CSMD1: variants seen among roughly 807,000 people sequenced by gnomAD.
CSMD1 encodes the protein CUB and Sushi multiple domains 1.
In CSMD1, 213 loss-of-function variants were observed where a neutral mutation model predicts 417.5. The observed-to-expected ratio is 0.51, with a 90% confidence interval of 0.46 to 0.57. The LOEUF is 0.57. Among genes scored for constraint, CSMD1 ranks in the 20% least tolerant of loss-of-function variants. The pLI is 0.00. For missense variants in CSMD1, 6,923 were observed against 4,529.7 expected (o/e 1.53, Z -15.17); for synonymous variants, 2,862 against 1,736.8 (o/e 1.65, Z -16.11).
At chr8:4,788,684 G>A (rs1033344229) in intron 1 of CSMD1, 11 of 553,666 alleles carry the variant, frequency 2.0e-5, no homozygotes, top group Non-Finnish European at 3.2e-5. Context: ...ATAAATTAGA[G>A]AACACAAATA....
At chr8:3,353,623 A>C (rs1808557160) in intron 21 of CSMD1, among the ~76,000 whole-genome samples, 1 of 152,134 alleles carries the variant, frequency 6.6e-6, no homozygotes. Flanking sequence ...AGAAAATCAC[A>C]AGAGTTAAGT....
At position 4,182,030 on chromosome 8, in the gene CSMD1, G is replaced by A. The variant is rs190147215; in HGVS notation, c.416-149931C>T. Among the ~76,000 whole-genome samples, 993 of 118,434 alleles carry A rather than the reference G, an allele frequency of 8.4e-3. 11 individuals are homozygous for A. The highest frequency in any genetic ancestry group is 0.021 in the African/African-American group (746 of 36,052). The allele number at this position is 118,434 out of a possible 152,430, so 77.7% of individuals were successfully genotyped here. On this transcript the variant is annotated intron_variant, in intron 3 of 69. Transcript: ENST00000635120. Reference sequence around the variant, plus strand: ...CACAGAAACTCATACACACCCGTGTGTGTGTGTGTGTGTCGGTGTGTGTGT... The same window carrying A: ...CACAGAAACTCATACACACCCGTGTATGTGTGTGTGTGTCGGTGTGTGTGT...
At chr8:3,840,720 C>T (rs1803080202) in intron 5 of CSMD1, among the ~76,000 whole-genome samples, 1 of 142,834 alleles carries the variant, frequency 7.0e-6, no homozygotes, top group Admixed American at 7.1e-5. Flanking sequence ...GACACGGAAT[C>T]TATCTGGCTC....
At chr8:2,965,736 T>C in intron 59 of CSMD1, 39 bp downstream of exon 59, 3 of 1,543,320 alleles carry the variant, frequency 1.9e-6, no homozygotes, top group Non-Finnish European at 2.6e-6. Context: ...TAAAGACTTC[T>C]ATACACATCT....
intron 12 of CSMD1, among the ~76,000 whole-genome samples, chr8:3,462,519 A>G (rs1816569498): frequency 6.6e-6 from 1 of 152,174 alleles, no homozygotes; most frequent in East Asian, 1.9e-4. Context: ...TCTAGGCTGC[A>G]TGCCCTTTAT....
At chr8:3,301,046 C>G (rs1418781001) in intron 25 of CSMD1, among the ~76,000 whole-genome samples, 2 of 151,080 alleles carry the variant, frequency 1.3e-5, no homozygotes, top group Non-Finnish European at 2.9e-5. Flanking sequence ...TGGTACATGT[C>G]CACACCACAC....
intron 23 of CSMD1, among the ~76,000 whole-genome samples, chr8:3,312,182 G>A (rs1805402331): frequency 6.6e-6 from 1 of 152,136 alleles, no homozygotes; most frequent in Non-Finnish European, 1.5e-5. Flanking sequence ...ACAGAAATAT[G>A]TTTTATTGCT....
chr8:4,763,963 C>T (rs999024208), intron 1 of CSMD1, among the ~76,000 whole-genome samples: 6 of 152,078 alleles, frequency 3.9e-5, no homozygotes, highest in Admixed American at 1.3e-4. Flanking sequence ...TATGACATGT[C>T]AAAATATCAG....
At chr8:4,271,780 A>C (rs1804615904) in intron 3 of CSMD1, among the ~76,000 whole-genome samples, 1 of 152,190 alleles carries the variant, frequency 6.6e-6, no homozygotes, top group Non-Finnish European at 1.5e-5. Context: ...TGCAGCTTCC[A>C]CATTATGAAT....
chr8:4,461,685 G>T (rs117502688), intron 2 of CSMD1, among the ~76,000 whole-genome samples: 1,948 of 151,444 alleles, frequency 0.013, 24 homozygotes, highest in Admixed American at 0.019. Context: ...TGTATAGCTG[G>T]GGCCATGGGC....
rs182987290 is a variant in CSMD1, at chr8:4,170,351, G to A, written c.416-138252C>T. ...ATTCTGTCTCATTTCATGCAGTTCC[G>A]TATATTCGGATAATTTATGAAAAAT... On this transcript the variant is annotated intron_variant, in intron 3 of 69. Coordinates refer to ENST00000635120, the MANE Select transcript of CSMD1 (RefSeq NM_033225.6). Among the ~76,000 whole-genome samples, 355 of 151,950 alleles carry A rather than the reference G, an allele frequency of 2.3e-3. 4 individuals carry two copies. The highest frequency in any genetic ancestry group is 0.017 in the Admixed American group (260 of 15,298).
At chr8:4,044,481 G>A (rs934281221) in intron 3 of CSMD1, among the ~76,000 whole-genome samples, 1 of 152,168 alleles carries the variant, frequency 6.6e-6, no homozygotes, top group Non-Finnish European at 1.5e-5. Context: ...TCACATCTCA[G>A]GGGACCAGCG....
At chr8:4,306,727 A>G (rs1297916674) in intron 3 of CSMD1, among the ~76,000 whole-genome samples, 1 of 152,110 alleles carries the variant, frequency 6.6e-6, no homozygotes, top group Non-Finnish European at 1.5e-5. Flanking sequence ...CAGCACCTCT[A>G]AATGAGTGCC....
intron 10 of CSMD1, among the ~76,000 whole-genome samples, chr8:3,540,182 GA>G (rs1055696980): frequency 4.6e-5 from 7 of 151,694 alleles, no homozygotes; most frequent in East Asian, 1.9e-4. Context: ...GTTTAGTCTT[GA>G]AAAAAAACCT....
chr8:3,188,803 G>C, intron 35 of CSMD1, 84 bp downstream of exon 35: 1 of 1,215,734 alleles, frequency 8.2e-7, no homozygotes, highest in Non-Finnish European at 1.1e-6. Context: ...GAGATGGAAA[G>C]AAACATAGAA....
At chr8:3,998,779 T>G (rs764053037) in intron 4 of CSMD1, among the ~76,000 whole-genome samples, 2 of 151,740 alleles carry the variant, frequency 1.3e-5, no homozygotes, top group Non-Finnish European at 2.9e-5. Context: ...AGGAAACAGA[T>G]CTTGGTAAGT....
intron 3 of CSMD1, among the ~76,000 whole-genome samples, chr8:4,347,761 T>C (rs1218270541): frequency 6.6e-6 from 1 of 152,136 alleles, no homozygotes; most frequent in Non-Finnish European, 1.5e-5. Flanking sequence ...TATTGCCAAG[T>C]TGTATTGGAT....
chr8:4,270,651 C>A (rs929258088), intron 3 of CSMD1, among the ~76,000 whole-genome samples: 1 of 152,168 alleles, frequency 6.6e-6, no homozygotes, highest in Non-Finnish European at 1.5e-5. Context: ...AAATGAAGAT[C>A]GCGTGTCTGC....
chr8:3,446,449 C>T (rs1017073815), intron 12 of CSMD1, among the ~76,000 whole-genome samples: 1 of 152,200 alleles, frequency 6.6e-6, no homozygotes, highest in African/African-American at 2.4e-5. Flanking sequence ...GTTATGATTC[C>T]TACTTTGTAG....
Sources: allele counts gnomAD v4.1 joint callset (sites outside exome capture counted in the v4.1 genomes callset), GRCh38; gene constraint gnomAD v4.1.1; transcripts MANE v1.5; gene names NCBI Gene and HGNC (gene_info 2026-07-23, HGNC 2026-07-21).